The following SORBS2 variants were observed in gnomAD, a reference collection of about 807,000 sequenced individuals.
SORBS2 encodes sorbin and SH3 domain containing 2.
Under a neutral mutation model 97.7 loss-of-function variants are expected in SORBS2, and 46 were observed. The observed-to-expected ratio is 0.47, with a 90% CI of 0.37 to 0.60. The LOEUF is 0.60. Among genes scored for constraint, SORBS2 ranks in the 20% least tolerant of loss-of-function variants. The pLI is 0.00. For synonymous variants in SORBS2, 476 were observed against 473.4 expected (o/e 1.01, Z -0.07); for missense variants, 1,316 against 1,282.3 (o/e 1.03, Z -0.40).
intron 1 of SORBS2, among the ~76,000 whole-genome samples, chr4:185,787,961 C>T (rs886202414): frequency 6.6e-6 from 1 of 152,228 alleles, no homozygotes; most frequent in Non-Finnish European, 1.5e-5. Context: ...CCATGACCAG[C>T]GCCAGGGTCT....
chr4:185,827,759 CCAT>C (rs1406702500), intron 1 of SORBS2, among the ~76,000 whole-genome samples: 18 of 14,234 alleles, frequency 1.3e-3, no homozygotes, highest in Non-Finnish European at 2.8e-3. Flanking sequence ...ACCATCATCA[CCAT>C]CATCATCACC....
At position 185,789,197 on chromosome 4, in the gene SORBS2, A is replaced by G. The variant is rs1412588855; in HGVS notation, c.-337-13831T>C. Among the ~76,000 whole-genome samples, 4 of 152,270 alleles carry G rather than the reference A, an allele frequency of 2.6e-5. 1 individual carries two copies. In the East Asian group the frequency reaches 7.7e-4, roughly 29 times the overall value. On this transcript the variant is annotated intron_variant, in intron 1 of 20. Transcript: ENST00000284776. ...TGCATTGCTCTTTTTCTTAACACTC[A>G]AAAGTCAGCTTAAGATCCAGTGTTA...
intron 2 of SORBS2, 53 bp from the exon 4 acceptor site, chr4:185,690,664 C>G (rs1007955049): frequency 5.3e-6 from 4 of 760,636 alleles, no homozygotes; most frequent in Non-Finnish European, 6.4e-6. Context: ...AAGAAAATAT[C>G]ATGAAAGTGT....
At chr4:185,714,973 A>C (rs1047514275) in intron 2 of SORBS2, among the ~76,000 whole-genome samples, 2 of 152,262 alleles carry the variant, frequency 1.3e-5, no homozygotes, top group Non-Finnish European at 2.9e-5. Flanking sequence ...CTATAAAGAA[A>C]TAAGCAACTG....
At chr4:185,799,191 T>C (rs1365705721) in intron 1 of SORBS2, among the ~76,000 whole-genome samples, 1 of 152,152 alleles carries the variant, frequency 6.6e-6, no homozygotes, top group Non-Finnish European at 1.5e-5. Flanking sequence ...GCAGAAGCTC[T>C]GGAGTCAGTT....
intron 2 of SORBS2, among the ~76,000 whole-genome samples, chr4:185,734,739 TAA>T (rs2098671672): frequency 6.6e-6 from 1 of 152,168 alleles, no homozygotes; most frequent in African/African-American, 2.4e-5. Context: ...TCCAGCATTT[TAA>T]AGTCAGCTCT....
At chr4:185,804,803 T>G (rs973153063) in intron 1 of SORBS2, among the ~76,000 whole-genome samples, 7 of 152,148 alleles carry the variant, frequency 4.6e-5, no homozygotes, top group African/African-American at 1.7e-4. Context: ...AGGTTTCTAT[T>G]GTTTTCTTGA....
intron 2 of SORBS2, among the ~76,000 whole-genome samples, chr4:185,749,594 A>G (rs2098787356): frequency 1.3e-5 from 2 of 152,218 alleles, no homozygotes; most frequent in South Asian, 2.1e-4. Flanking sequence ...CTTAGGGTAT[A>G]TGGACTTTTA....
intron 9 of SORBS2, among the ~76,000 whole-genome samples, chr4:185,617,718 T>C (rs1268154133): frequency 6.6e-6 from 1 of 152,170 alleles, no homozygotes; most frequent in Non-Finnish European, 1.5e-5. Context: ...CATGCCTATC[T>C]GCTGAGCAAA....
chr4:185,688,075 A>T (rs150112572), intron 2 of SORBS2, among the ~76,000 whole-genome samples: 2 of 152,296 alleles, frequency 1.3e-5, no homozygotes, highest in African/African-American at 2.4e-5. Flanking sequence ...TAATTATTTG[A>T]TGTCTTTCCT....
At chr4:185,788,221 T>C (rs975445677) in intron 1 of SORBS2, among the ~76,000 whole-genome samples, 6 of 152,194 alleles carry the variant, frequency 3.9e-5, no homozygotes, top group African/African-American at 1.4e-4. Flanking sequence ...CTCATTGAAG[T>C]GTCAGGTGGT....
intron 2 of SORBS2, among the ~76,000 whole-genome samples, chr4:185,757,505 G>A (rs1025805873): frequency 2.6e-5 from 4 of 152,138 alleles, no homozygotes; most frequent in Admixed American, 1.3e-4. Flanking sequence ...TTCAAGAAAC[G>A]TTAGAAATGA....
chr4:185,790,597 T>A (rs547956535), intron 1 of SORBS2, among the ~76,000 whole-genome samples: 1 of 152,320 alleles, frequency 6.6e-6, no homozygotes, highest in Non-Finnish European at 1.5e-5. Context: ...TATGAACTCA[T>A]ATTTTACTCA....
At chr4:185,686,280 G>A (rs1159881454) in intron 2 of SORBS2, among the ~76,000 whole-genome samples, 4 of 152,074 alleles carry the variant, frequency 2.6e-5, no homozygotes, top group African/African-American at 9.7e-5. Flanking sequence ...AGTATAATTT[G>A]AAGGAATTTT....
At chr4:185,819,019 A>T (rs1183432532) in intron 1 of SORBS2, among the ~76,000 whole-genome samples, 1 of 152,178 alleles carries the variant, frequency 6.6e-6, no homozygotes, top group African/African-American at 2.4e-5. Context: ...CCTTCATTAA[A>T]GACATGGTTT....
At chr4:185,853,613 T>C (rs1290003460) in intron 1 of SORBS2, among the ~76,000 whole-genome samples, 1 of 152,256 alleles carries the variant, frequency 6.6e-6, no homozygotes, top group African/African-American at 2.4e-5. Flanking sequence ...ATGTGAGCTA[T>C]AAGTGCAAAC....
intron 5 of SORBS2, among the ~76,000 whole-genome samples, chr4:185,629,809 C>G (rs532683194): frequency 9.6e-4 from 146 of 152,152 alleles, no homozygotes; most frequent in Non-Finnish European, 1.4e-3. Flanking sequence ...GATCTTCCCC[C>G]CTCAGCCTCC....
intron 2 of SORBS2, among the ~76,000 whole-genome samples, chr4:185,694,562 A>C (rs1253503268): frequency 1.6e-4 from 25 of 152,366 alleles, no homozygotes; most frequent in Non-Finnish European, 2.6e-4. Flanking sequence ...CTTATGGATT[A>C]GAGTAGCCTC....
At chr4:185,711,638 T>C (rs554821990) in intron 2 of SORBS2, among the ~76,000 whole-genome samples, 3 of 152,340 alleles carry the variant, frequency 2.0e-5, no homozygotes, top group Middle Eastern at 3.4e-3. Context: ...CAATCTGTTC[T>C]ACATCCTTCC....
Sources: allele counts gnomAD v4.1 joint callset (sites outside exome capture counted in the v4.1 genomes callset), GRCh38; gene constraint gnomAD v4.1.1; transcripts MANE v1.5; gene names NCBI Gene and HGNC (gene_info 2026-07-23, HGNC 2026-07-21).